Variants in LRRC37A2 observed in about 807,000 individuals in gnomAD.
LRRC37A2 encodes the protein leucine-rich repeat-containing protein 37A2.
LRRC37A2 carries 9 observed loss-of-function variants against 68.8 expected under a neutral mutation model. The observed-to-expected ratio is 0.13, with a 90% CI of 0.08 to 0.23. The LOEUF is 0.23. Ranked by LOEUF, LRRC37A2 falls within the 10% of genes least tolerant of loss-of-function variation. LRRC37A2 has a pLI of 1.00. For missense variants in LRRC37A2, 168 were observed against 950.4 expected, an observed-to-expected ratio of 0.18 and a Z score of 10.82; for synonymous variants, 63 against 367.6, an observed-to-expected ratio of 0.17 and a Z score of 9.48.
the LRRC37A2 span, chr17:46,935,075 C>T: frequency 2.5e-6 from 4 of 1,611,980 alleles, no homozygotes; most frequent in South Asian, 1.1e-5. Context: ...CAGTTTAACT[C>T]CTCCCTCCAG....
the LRRC37A2 span, among the ~76,000 whole-genome samples, chr17:46,922,437 C>A: frequency 6.6e-6 from 1 of 152,192 alleles, no homozygotes; most frequent in South Asian, 2.1e-4. Context: ...ACATATGTAA[C>A]AACCCTGCAC....
At chr17:46,784,349 G>A in the LRRC37A2 span, among the ~76,000 whole-genome samples, 67 of 152,332 alleles carry the variant, frequency 4.4e-4, no homozygotes, top group East Asian at 0.013. Context: ...CAGGCACCAC[G>A]TAGAGACAGA....
At chr17:46,707,761 G>C in the LRRC37A2 span, among the ~76,000 whole-genome samples, 1 of 152,238 alleles carries the variant, frequency 6.6e-6, no homozygotes, top group South Asian at 2.1e-4. Flanking sequence ...GCCAGGCGTG[G>C]TGGCTCTTGC....
At chr17:46,956,636 T>C in the LRRC37A2 span, among the ~76,000 whole-genome samples, 61,170 of 152,024 alleles carry the variant, frequency 0.4, 12,536 homozygotes, top group South Asian at 0.48. Context: ...TGTCCCTTGA[T>C]GATTGTGTAA....
At chr17:46,690,624 A>AAAAAATAT in the LRRC37A2 span, among the ~76,000 whole-genome samples, 2 of 110,972 alleles carry the variant, frequency 1.8e-5, no homozygotes, top group Non-Finnish European at 3.7e-5. Context: ...AAAAAAAAAA[A>AAAAAATAT]ATATATATAT....
At chr17:46,934,102 G>C in the LRRC37A2 span, among the ~76,000 whole-genome samples, 1 of 152,196 alleles carries the variant, frequency 6.6e-6, no homozygotes, top group African/African-American at 2.4e-5. Flanking sequence ...GGGCGTTGGT[G>C]TTTCCCTCTA....
At chr17:47,031,159 G>C in the LRRC37A2 span, among the ~76,000 whole-genome samples, 2 of 148,930 alleles carry the variant, frequency 1.3e-5, no homozygotes, top group Non-Finnish European at 3.0e-5. Flanking sequence ...AGGGTGATAG[G>C]GTCAGTCTAT....
chr17:46,882,255 C>G, the LRRC37A2 span, among the ~76,000 whole-genome samples: 36 of 152,200 alleles, frequency 2.4e-4, no homozygotes, highest in African/African-American at 8.2e-4. Flanking sequence ...TCTCCAGCTC[C>G]CTGTAATCTA....
chr17:46,731,682 T>C, the LRRC37A2 span, among the ~76,000 whole-genome samples: 1 of 152,088 alleles, frequency 6.6e-6, no homozygotes, highest in Admixed American at 6.6e-5. Flanking sequence ...AGGAAGAATA[T>C]AGAAATATGT....
At chr17:46,966,160 C>T in the LRRC37A2 span, among the ~76,000 whole-genome samples, 1 of 152,176 alleles carries the variant, frequency 6.6e-6, no homozygotes, top group African/African-American at 2.4e-5. Flanking sequence ...GAGGGATCAC[C>T]ACAGAGTAAG....
At chr17:46,943,892 C>G in the LRRC37A2 span, among the ~76,000 whole-genome samples, 5 of 152,184 alleles carry the variant, frequency 3.3e-5, no homozygotes, top group African/African-American at 2.4e-5. Context: ...AGTCCTGAAT[C>G]CTGGCGATCC....
At chr17:47,005,268 G>A in the LRRC37A2 span, among the ~76,000 whole-genome samples, 1 of 152,120 alleles carries the variant, frequency 6.6e-6, no homozygotes, top group African/African-American at 2.4e-5. Context: ...TGGATTTTTG[G>A]TTTTGGTTTT....
the LRRC37A2 span, chr17:47,049,040 T>G: frequency 3.4e-5 from 20 of 582,984 alleles, no homozygotes; most frequent in East Asian, 5.2e-4. Context: ...CTCCTTTTGT[T>G]GTTGCCATTT....
the LRRC37A2 span, among the ~76,000 whole-genome samples, chr17:46,819,963 G>A: frequency 6.6e-6 from 1 of 152,246 alleles, no homozygotes; most frequent in Non-Finnish European, 1.5e-5. The surrounding 1 kb of genome is among the most constrained non-coding windows in gnomAD (Gnocchi z 5.3). Context: ...TGGGGTGAAG[G>A]AAGCACTGCC....
At chr17:46,487,137 A>G in the LRRC37A2 span, 1 of 741,582 alleles carries the variant, frequency 1.3e-6, no homozygotes, top group East Asian at 2.8e-5. Flanking sequence ...ATGATATCAA[A>G]CCAGTGAGTA....
the LRRC37A2 span, among the ~76,000 whole-genome samples, chr17:46,870,234 A>G: frequency 2.6e-5 from 4 of 152,268 alleles, no homozygotes; most frequent in African/African-American, 9.6e-5. Flanking sequence ...GTCGCCACTC[A>G]CACCAGCCCT....
the LRRC37A2 span, among the ~76,000 whole-genome samples, chr17:46,802,791 C>T: frequency 1.3e-5 from 2 of 152,204 alleles, no homozygotes; most frequent in African/African-American, 4.8e-5. Flanking sequence ...GGCGTGGAAG[C>T]TCAGTGCAGC....
the LRRC37A2 span, among the ~76,000 whole-genome samples, chr17:46,894,798 G>A: frequency 1.3e-5 from 2 of 152,210 alleles, no homozygotes; most frequent in Non-Finnish European, 2.9e-5. Context: ...TGATAAAAGC[G>A]ATAATTAGCT....
At chr17:46,937,620 T>C in the LRRC37A2 span, 4 of 152,192 alleles carry the variant, frequency 2.6e-5, no homozygotes, top group Admixed American at 2.6e-4. Context: ...GCAGCCACTG[T>C]TGTGATTTAT....
Sources: gnomAD v4.1 joint callset for allele counts (sites outside exome capture counted in the v4.1 genomes callset) on GRCh38, gnomAD v4.1.1 for gene constraint, Gnocchi (gnomAD v3.1) non-coding constraint, MANE v1.5 for transcripts, NCBI Gene and HGNC (gene_info 2026-07-23, HGNC 2026-07-21) for gene names.